The following GNG12 variants were observed in gnomAD, a reference collection of about 807,000 sequenced individuals.
GNG12 encodes the protein guanine nucleotide-binding protein G(I)/G(S)/G(O) subunit gamma-12.
For synonymous variants in GNG12, 28 were observed against 29.7 expected (o/e 0.94, Z 0.19); for missense variants, 69 against 83.8 (o/e 0.82, Z 0.69).
At chr1:67,776,856 A>G (rs1284229310) in intron 2 of GNG12, among the ~76,000 whole-genome samples, 5 of 152,204 alleles carry the variant, frequency 3.3e-5, no homozygotes, top group Non-Finnish European at 5.9e-5. Flanking sequence ...TATAACTGAT[A>G]CACACTGCAA....
chr1:67,707,194 C>A (rs764926577), intron 3 of GNG12, among the ~76,000 whole-genome samples: 2 of 152,238 alleles, frequency 1.3e-5, no homozygotes, highest in Non-Finnish European at 2.9e-5. Flanking sequence ...ACCTAGACTG[C>A]TGACTTCTTA....
chr1:67,818,080 C>T (rs1335185619), intron 1 of GNG12, among the ~76,000 whole-genome samples: 1 of 152,086 alleles, frequency 6.6e-6, no homozygotes, highest in Non-Finnish European at 1.5e-5. Flanking sequence ...AGCCACTGCA[C>T]CTGGTCAATA....
At chr1:67,823,115 A>AAAC (rs1364558927) in intron 1 of GNG12, among the ~76,000 whole-genome samples, 1 of 152,228 alleles carries the variant, frequency 6.6e-6, no homozygotes, top group Non-Finnish European at 1.5e-5. Context: ...TTCAGACAGT[A>AAAC]AACAACAACA....
chr1:67,816,144 C>A (rs1273190868), intron 1 of GNG12, among the ~76,000 whole-genome samples: 1 of 151,878 alleles, frequency 6.6e-6, no homozygotes, highest in South Asian at 2.1e-4. Context: ...TTTTTCTTTT[C>A]TTCTAATGAA....
chr1:67,759,338 A>C (rs1332822806), intron 2 of GNG12, among the ~76,000 whole-genome samples: 1 of 152,224 alleles, frequency 6.6e-6, no homozygotes, highest in Non-Finnish European at 1.5e-5. Flanking sequence ...CTATAGTCTG[A>C]GAACTATTCA....
In GNG12 at chr1:67,818,421, T is replaced by TG. The variant is rs1646966163; in HGVS notation, c.-77+14922_-77+14923insC. Among the ~76,000 whole-genome samples the TG allele has an allele frequency of 2.1e-5, 3 of 141,986 alleles. No individual in the cohort carries two copies. The South Asian group carries it at 6.5e-4, about 31-fold the overall frequency. 93.1% of individuals were successfully genotyped at this position (141,986 alleles called of 152,430 possible). On this transcript the variant is annotated intron_variant, in intron 1 of 3. Transcript: ENST00000370982. ...ATGGGGAAAGACCAGGGGTTTTTTT[T>TG]TTTTTTTTTTTTTTTTTTTTACTTC...
At chr1:67,830,026 C>CA (rs1213058729) in intron 1 of GNG12, among the ~76,000 whole-genome samples, 3 of 110,834 alleles carry the variant, frequency 2.7e-5, no homozygotes, top group East Asian at 2.9e-4. Context: ...TTTTTTGAGA[C>CA]AGAGTTTTTG....
intron 1 of GNG12, among the ~76,000 whole-genome samples, chr1:67,815,346 CCT>C (rs1646947982): frequency 6.6e-6 from 1 of 152,164 alleles, no homozygotes; most frequent in Middle Eastern, 3.2e-3. Context: ...AATTCAATAG[CCT>C]ACATACACCT....
intron 1 of GNG12, among the ~76,000 whole-genome samples, chr1:67,795,210 A>G (rs1422128157): frequency 1.3e-5 from 2 of 152,132 alleles, no homozygotes; most frequent in Non-Finnish European, 2.9e-5. Context: ...ATATCCTGCA[A>G]TTTTGACGGT....
chr1:67,780,344 T>C (rs1011936112), intron 1 of GNG12, among the ~76,000 whole-genome samples: 1 of 152,170 alleles, frequency 6.6e-6, no homozygotes, highest in African/African-American at 2.4e-5. Context: ...GACTTCACAC[T>C]CCATGCCTGC....
intron 2 of GNG12, among the ~76,000 whole-genome samples, chr1:67,734,005 G>A (rs1269273337): frequency 6.6e-6 from 1 of 152,090 alleles, no homozygotes; most frequent in Non-Finnish European, 1.5e-5. Context: ...TAGGGCCAAC[G>A]GTTTGCACAG....
At chr1:67,745,232 A>G (rs1309511609) in intron 2 of GNG12, among the ~76,000 whole-genome samples, 1 of 152,250 alleles carries the variant, frequency 6.6e-6, no homozygotes, top group Non-Finnish European at 1.5e-5. Context: ...ATTTATATAA[A>G]TCAACTTTCA....
chr1:67,791,051 T>C (rs139726770), intron 1 of GNG12, among the ~76,000 whole-genome samples: 185 of 152,328 alleles, frequency 1.2e-3, no homozygotes, highest in African/African-American at 4.4e-3. Context: ...ACTGAAATGT[T>C]CATAGTGGCT....
chr1:67,760,772 G>T (rs1302341693), intron 2 of GNG12, among the ~76,000 whole-genome samples: 6 of 152,168 alleles, frequency 3.9e-5, no homozygotes, highest in Non-Finnish European at 7.4e-5. Context: ...CCAGATGCCG[G>T]GGACATGACA....
In GNG12 at chr1:67,715,589, AGCTGCATG is replaced by A. The variant is rs1646320684; in HGVS notation, c.-26-7885_-26-7878del. 3.9e-5 allele frequency among the ~76,000 whole-genome samples: 6 copies of A among 152,196 alleles called. No individual in the cohort carries two copies. The South Asian group carries it at 1.2e-3, about 32-fold the overall frequency. ...AGTCACTAGCAACACAGGACTGAGA[AGCTGCATG>A]GCTGCAGCAGCCTCTTGAGTCTCTA... On this transcript the variant is annotated intron_variant, in intron 2 of 3. Coordinates refer to ENST00000370982, the MANE Select transcript of GNG12 (RefSeq NM_018841.6).
In GNG12 at chr1:67,735,726, A is replaced by G. The variant is rs188004582; in HGVS notation, c.-26-28014T>C. Among the ~76,000 whole-genome samples, 114 of 152,368 alleles carry G rather than the reference A, an allele frequency of 7.5e-4. 1 individual carries two copies. The East Asian group carries it at 0.015, about 20-fold the overall frequency. Reference sequence around the variant, plus strand: ...ATCACTGTAAATACTATAATTTCTGAGTGATCTTCACTAACAACAGTGAAG... The same window carrying G: ...ATCACTGTAAATACTATAATTTCTGGGTGATCTTCACTAACAACAGTGAAG... On this transcript the variant is annotated intron_variant, in intron 2 of 3. Transcript: ENST00000370982.
At position 67,827,910 on chromosome 1, in the gene GNG12, C is replaced by T. The variant is rs1171869517; in HGVS notation, c.-77+5434G>A. On this transcript the variant is annotated intron_variant, in intron 1 of 3. Transcript: ENST00000370982. Reference sequence around the variant, plus strand: ...CATCAGATATGATTTTCAAGAGAGACTCTCCAATAAATGGAATAATCTAGC... The same window carrying T: ...CATCAGATATGATTTTCAAGAGAGATTCTCCAATAAATGGAATAATCTAGC... Among the ~76,000 whole-genome samples the T allele has an allele frequency of 2.0e-5, 3 of 152,212 alleles. No individual in the cohort carries two copies. In the South Asian group the frequency reaches 6.2e-4, roughly 31 times the overall value.
intron 3 of GNG12, among the ~76,000 whole-genome samples, chr1:67,707,328 T>C (rs1003424088): frequency 3.9e-5 from 6 of 152,190 alleles, no homozygotes; most frequent in Admixed American, 6.5e-5. Flanking sequence ...TCAACGGACT[T>C]GACCATGTTC....
At chr1:67,750,755 T>G (rs1490242332) in intron 2 of GNG12, among the ~76,000 whole-genome samples, 3 of 152,206 alleles carry the variant, frequency 2.0e-5, no homozygotes, top group African/African-American at 4.8e-5. Flanking sequence ...TATATCTACT[T>G]ACATGCAGTC....
Sources: gnomAD v4.1 joint callset for allele counts (sites outside exome capture counted in the v4.1 genomes callset) on GRCh38, gnomAD v4.1.1 for gene constraint, MANE v1.5 for transcripts, NCBI Gene and HGNC (gene_info 2026-07-23, HGNC 2026-07-21) for gene names.